MTHFD2L: variants seen among roughly 807,000 people sequenced by gnomAD.
The protein encoded by MTHFD2L is bifunctional methylenetetrahydrofolate dehydrogenase/cyclohydrolase 2, mitochondrial.
MTHFD2L carries 29 observed loss-of-function variants against 34.9 expected under a neutral mutation model. The observed-to-expected ratio is 0.83, with a 90% confidence interval of 0.62 to 1.13. MTHFD2L has a LOEUF of 1.13. Ranked by LOEUF, MTHFD2L falls within the 50% of genes most tolerant of loss-of-function variation. The pLI is 0.00. For synonymous variants in MTHFD2L, 167 were observed against 155.7 expected, an observed-to-expected ratio of 1.07 and a Z score of -0.54; for missense variants, 481 against 446.5, an observed-to-expected ratio of 1.08 and a Z score of -0.70.
At chr4:74,239,256 G>A (rs1334671023) in intron 6 of MTHFD2L, among the ~76,000 whole-genome samples, 2 of 152,116 alleles carry the variant, frequency 1.3e-5, no homozygotes, top group Non-Finnish European at 1.5e-5. Flanking sequence ...AACACTGCAT[G>A]TTCTCACTCA....
At chr4:74,126,456 TAGTGAGGAGTAAACATGAGTCTTCCA>T (rs1462459635) in intron 1 of MTHFD2L, among the ~76,000 whole-genome samples, 2 of 152,138 alleles carry the variant, frequency 1.3e-5, no homozygotes, top group Non-Finnish European at 2.9e-5. Context: ...CTCCTTATCC[TAGTGAGGAGTAAACATGAGTCTTCCA>T]ATATCCACAC....
chr4:74,180,769 A>G, intron 3 of MTHFD2L: 1 of 431,824 alleles, frequency 2.3e-6, no homozygotes, highest in East Asian at 7.2e-5. Flanking sequence ...AGCTGACCCT[A>G]AAGCTAAGGA....
chr4:74,299,816 A>T (rs958930742), intron 7 of MTHFD2L, among the ~76,000 whole-genome samples: 7 of 152,050 alleles, frequency 4.6e-5, no homozygotes, highest in African/African-American at 7.2e-5. Context: ...AGTTAAGGGA[A>T]CAGACAGTGC....
At chr4:74,257,710 C>T (rs918899413) in intron 6 of MTHFD2L, among the ~76,000 whole-genome samples, 2 of 152,032 alleles carry the variant, frequency 1.3e-5, no homozygotes, top group Non-Finnish European at 2.9e-5. Flanking sequence ...GATATGACCG[C>T]CAAAGCACAG....
chr4:74,151,755 G>A (rs781383089), intron 1 of MTHFD2L, among the ~76,000 whole-genome samples: 22 of 152,080 alleles, frequency 1.4e-4, no homozygotes, highest in Non-Finnish European at 2.9e-4. Flanking sequence ...AGTGAAAGTC[G>A]ACATATTTAC....
At chr4:74,280,654 A>G (rs1213955214) in intron 6 of MTHFD2L, among the ~76,000 whole-genome samples, 1 of 151,972 alleles carries the variant, frequency 6.6e-6, no homozygotes, top group Non-Finnish European at 1.5e-5. Flanking sequence ...AAAAACTGGA[A>G]CATTAACCAT....
At chr4:74,253,359 A>G (rs145682536) in intron 6 of MTHFD2L, among the ~76,000 whole-genome samples, 1 of 152,312 alleles carries the variant, frequency 6.6e-6, no homozygotes, top group African/African-American at 2.4e-5. Context: ...CCTCACAGAA[A>G]CATGAATTTG....
chr4:74,199,666 A>G, intron 3 of MTHFD2L, 128 bp from the exon 4 acceptor site: 1 of 727,496 alleles, frequency 1.4e-6, no homozygotes, highest in Non-Finnish European at 2.1e-6. Context: ...TAATAATAAT[A>G]ATAATGACTT....
Position 74,138,070 on chromosome 4 carries a change from T to C in MTHFD2L, c.-297+12553T>C, listed in dbSNP as rs536894788. Among the ~76,000 whole-genome samples, 126 of 151,786 alleles carry C rather than the reference T, an allele frequency of 8.3e-4. 4 individuals carry two copies. In the South Asian group the frequency reaches 0.024, roughly 29 times the overall value. Reference sequence around the variant, plus strand: ...TACATAAATTTTATATATATATATATACACATACACTTTTTTATTTTAAGA... The same window carrying C: ...TACATAAATTTTATATATATATATACACACATACACTTTTTTATTTTAAGA... On this transcript the variant is annotated intron_variant, in intron 1 of 7. Transcript: ENST00000433372.
chr4:74,149,980 C>T (rs1723834012), intron 1 of MTHFD2L, among the ~76,000 whole-genome samples: 1 of 152,038 alleles, frequency 6.6e-6, no homozygotes, highest in African/African-American at 2.4e-5. Context: ...GAGACCCTCC[C>T]CTGGCTGTAG....
chr4:74,241,170 CAATT>C (rs1741653204), intron 6 of MTHFD2L, among the ~76,000 whole-genome samples: 1 of 152,164 alleles, frequency 6.6e-6, no homozygotes, highest in African/African-American at 2.4e-5. Flanking sequence ...TACCTGCTCT[CAATT>C]GAGTTCCTTA....
chr4:74,245,991 C>T (rs950265192), intron 6 of MTHFD2L, among the ~76,000 whole-genome samples: 1 of 147,824 alleles, frequency 6.8e-6, no homozygotes, highest in Admixed American at 6.8e-5. Context: ...GGGTATATAC[C>T]CAGTAATGGG....
intron 1 of MTHFD2L, among the ~76,000 whole-genome samples, chr4:74,171,603 G>A (rs896684167): frequency 6.6e-6 from 1 of 152,210 alleles, no homozygotes; most frequent in Non-Finnish European, 1.5e-5. Context: ...AGGAGTTCGA[G>A]ACCAGCCTGG....
chr4:74,260,915 A>T (rs557685838), intron 6 of MTHFD2L, among the ~76,000 whole-genome samples: 38 of 133,218 alleles, frequency 2.9e-4, no homozygotes, highest in East Asian at 6.4e-4. Context: ...GTGTTTTTTT[A>T]AAAAAAACAA....
At chr4:74,280,123 T>C (rs1164932937) in intron 6 of MTHFD2L, 1 of 152,082 alleles carries the variant, frequency 6.6e-6, no homozygotes, top group Non-Finnish European at 1.5e-5. Context: ...CTAGAAGCAT[T>C]GTGATAGAAT....
chr4:74,124,216 T>C (rs1721916634), upstream of MTHFD2L, among the ~76,000 whole-genome samples: 1 of 151,912 alleles, frequency 6.6e-6, no homozygotes, highest in South Asian at 2.1e-4. Flanking sequence ...ATATAACAAA[T>C]AGTGTGTTTT....
intron 6 of MTHFD2L, among the ~76,000 whole-genome samples, chr4:74,239,436 A>G (rs1014543641): frequency 1.3e-5 from 2 of 151,804 alleles, no homozygotes; most frequent in African/African-American, 4.8e-5. Flanking sequence ...ATGTATACCT[A>G]TGTAACAAAC....
chr4:74,212,181 G>A (rs189808838), intron 5 of MTHFD2L, among the ~76,000 whole-genome samples: 91 of 151,720 alleles, frequency 6.0e-4, no homozygotes, highest in African/African-American at 2.0e-3. Context: ...AGGGTTTTTT[G>A]TCTCTATCTC....
At chr4:74,155,992 A>C (rs1199197203), upstream of MTHFD2L, among the ~76,000 whole-genome samples, 1 of 151,900 alleles carries the variant, frequency 6.6e-6, no homozygotes, top group Admixed American at 6.5e-5. Context: ...AACAAAATTT[A>C]ATATCTTATT....
Sources: allele counts gnomAD v4.1 joint callset (sites outside exome capture counted in the v4.1 genomes callset), GRCh38; gene constraint gnomAD v4.1.1; transcripts MANE v1.5; gene names NCBI Gene and HGNC (gene_info 2026-07-23, HGNC 2026-07-21).